The following TIGD2 variants were observed in gnomAD, a reference collection of about 807,000 sequenced individuals.
The protein encoded by TIGD2 is tigger transposable element derived 2, also known as tigger transposable element-derived protein 2.
In TIGD2, 14 loss-of-function variants were observed where a neutral mutation model predicts 27.0. That is an observed-to-expected ratio of 0.52 (90% confidence interval 0.34 to 0.81). The LOEUF is 0.81. Among genes scored for constraint, TIGD2 ranks in the 30% least tolerant of loss-of-function variants. TIGD2 has a pLI of 0.01. For missense variants in TIGD2, 590 were observed against 617.3 expected (o/e 0.96, Z 0.47); for synonymous variants, 201 against 209.0 (o/e 0.96, Z 0.33).
In TIGD2 at chr4:89,113,141, C is replaced by A; in HGVS notation, c.167C>A (p.Ala56Glu). ...AACAAAGAAAGGATTATAAACTATG[C>A]AAACAGTTCAGATCCTACCAGTGGA... ...KKNKERIINYANSSDPTSGVS... is the reference protein window; with the variant it reads ...KKNKERIINYENSSDPTSGVS... Residue 56 changes from alanine to glutamate, a missense_variant, in exon 2 of 2, where the codon GCA (alanine) becomes GAA (glutamate). Ala to Glu is a moderately radical substitution (Grantham distance 107, BLOSUM62 -1). Transcript: ENST00000603357. 1 of 1,614,014 alleles carries A rather than the reference C, an allele frequency of 6.2e-7. No individual in the cohort carries two copies. Among genetic ancestry groups the A allele is most frequent in the Non-Finnish European group, 8.5e-7 (1 of 1,179,992 alleles).
At position 89,114,461 on chromosome 4, in the gene TIGD2, A is replaced by G. The variant is rs754925275; in HGVS notation, c.1487A>G (p.Asp496Gly). 17 of 1,613,816 alleles carry G rather than the reference A, an allele frequency of 1.1e-5. No individual in the cohort carries two copies. The Admixed American group carries it at 1.7e-4, about 16-fold the overall frequency. ...ENLLDYLEQQ[D>G]DMLLSDKLVL... is the part of the protein sequence containing the mutation. The stretch of plus-strand genomic sequence containing the variant: ...TTACTGGATTATCTTGAACAACAAG[A>G]TGACATGCTTCTGTCTGATAAATTG... Residue 496 changes from aspartate to glycine, a missense_variant, in exon 2 of 2, where the codon GAT (aspartate) becomes GGT (glycine). Asp to Gly is a moderately conservative substitution (Grantham distance 94). Transcript: ENST00000603357.
chr4:89,112,888 C>G lies in TIGD2; in HGVS notation c.-87C>G, dbSNP rs775066531. On this transcript the variant is annotated 5_prime_UTR_variant, in exon 2 of 2. Transcript: ENST00000603357. ...CCTAGAAGTGAGAGGAGGAATCTTA[C>G]GAACTCATTTTCTAGTTGCTTTGTA... The G allele has an allele frequency of 3.3e-6, 4 of 1,212,948 alleles. No individual in the cohort carries two copies. Among genetic ancestry groups the G allele is most frequent in the Admixed American group, 2.4e-5 (1 of 41,834 alleles). The allele number at this position is 1,212,948 out of a possible 1,614,324, so 75.1% of individuals were successfully genotyped here.
chr4:89,114,360 C>A lies in TIGD2; in HGVS notation c.1386C>A (p.Ser462=). The change falls in exon 2 of 2, where the codon TCC becomes TCA. Residue 462 remains serine, a synonymous_variant. Transcript: ENST00000603357. The part of the protein sequence containing the change: ...DQTKAAEQKP[S]SKSRKTELNP... Reference sequence around the variant, plus strand: ...CCAAGGCTGCTGAGCAAAAGCCTTCCAGTAAGAGTAGAAAAACAGAACTGA... The same window carrying A: ...CCAAGGCTGCTGAGCAAAAGCCTTCAAGTAAGAGTAGAAAAACAGAACTGA... 6.2e-7 allele frequency: 1 copy of A among 1,613,930 alleles called. No individual in the cohort carries two copies.
In TIGD2 at chr4:89,114,106, T is replaced by G; in HGVS notation, c.1132T>G (p.Ser378Ala). 1 of 1,614,068 alleles carries G rather than the reference T, an allele frequency of 6.2e-7. No individual in the cohort carries two copies. The highest frequency in any genetic ancestry group is 8.5e-7 in the Non-Finnish European group (1 of 1,180,010). ...EVSRAWNMVK[S>A]STITKAWKKL... is the part of the protein sequence containing the mutation. ...GTCAAGAGCTTGGAACATGGTAAAA[T>G]CAAGTACCATAACCAAAGCATGGAA... The change falls in exon 2 of 2, where the codon TCA (serine) becomes GCA (alanine). Residue 378 changes from serine to alanine, a missense_variant. Ser to Ala is a moderately conservative substitution (Grantham distance 99). Coordinates refer to ENST00000603357, the MANE Select transcript of TIGD2 (RefSeq NM_145715.3).
Position 89,112,676 on chromosome 4 carries a change from T to TA in TIGD2, c.-298dup, listed in dbSNP as rs1721120048. On this transcript the variant is annotated 5_prime_UTR_variant, in exon 2 of 2. Coordinates refer to ENST00000603357, the MANE Select transcript of TIGD2 (RefSeq NM_145715.3). ...TGCAATAGTACTGTTTTAGAAGCCT[T>TA]ACCAGTACAGTTTCTAGCCTCTAGT... 3.5e-6 allele frequency: 1 copy of TA among 287,462 alleles called. No individual in the cohort carries two copies. The highest frequency in any genetic ancestry group is 4.8e-5 in the Admixed American group (1 of 20,960). 17.8% of individuals were successfully genotyped at this position (287,462 alleles called of 1,614,324 possible). A position where few individuals can be genotyped will look rare whatever the true frequency, so the allele number is the denominator to read the frequency against.
Position 89,113,084 on chromosome 4 carries a change from T to G in TIGD2, c.110T>G (p.Ile37Ser). 1 of 1,614,006 alleles carries G rather than the reference T, an allele frequency of 6.2e-7. No individual in the cohort carries two copies. The highest frequency in any genetic ancestry group is 8.5e-7 in the Non-Finnish European group (1 of 1,179,992). ...SFKKLSVVYG[I>S]GESTVRDIKK... ...AAAAAACTTTCCGTGGTGTACGGAATTGGTGAATCCACAGTTCGTGATATT... is the reference window on the plus strand; with the variant it reads ...AAAAAACTTTCCGTGGTGTACGGAAGTGGTGAATCCACAGTTCGTGATATT... Residue 37 changes from isoleucine (I) to serine (S), a missense_variant, in exon 2 of 2, where the codon ATT becomes AGT. Physicochemically the swap from Ile to Ser is moderately radical, Grantham distance 142. Transcript: ENST00000603357.
rs1422679636 is a variant in TIGD2 at position 89,111,794 on chromosome 4, G to C, written c.-998G>C. 1 of 152,186 alleles carries C rather than the reference G, an allele frequency of 6.6e-6. No individual in the cohort carries two copies. The highest frequency in any genetic ancestry group is 6.5e-5 in the Admixed American group (1 of 15,288). 9.4% of individuals were successfully genotyped at this position (152,186 alleles called of 1,614,324 possible). ...CAGGCGGAATCCGGGCTCCCTCCGC[G>C]GGAGGAAAGACGTCCCGCGCTCTGA... On this transcript the variant is annotated 5_prime_UTR_variant, in exon 1 of 2. Coordinates refer to ENST00000603357, the MANE Select transcript of TIGD2 (RefSeq NM_145715.3).
At position 89,112,846 on chromosome 4, in the gene TIGD2, T is replaced by C; in HGVS notation, c.-129T>C. ...CACGTAGACCTTGTCAGGAAATTGG[T>C]CACTATCCATCTAGGCCCTAGAAGT... On this transcript the variant is annotated 5_prime_UTR_variant, in exon 2 of 2. Coordinates refer to ENST00000603357, the MANE Select transcript of TIGD2 (RefSeq NM_145715.3). The C allele has an allele frequency of 1.3e-6, 1 of 746,622 alleles. No individual in the cohort carries two copies. Among genetic ancestry groups the C allele is most frequent in the Non-Finnish European group, 2.1e-6 (1 of 474,476 alleles). The allele number at this position is 746,622 out of a possible 1,614,324, so 46.2% of individuals were successfully genotyped here.
In TIGD2 at chr4:89,113,457, A is replaced by G. The variant is rs770499143; in HGVS notation, c.483A>G (p.Glu161=). Residue 161 remains glutamate, a synonymous_variant, in exon 2 of 2, where the codon GAA becomes GAG. Transcript: ENST00000603357. ...AAREFCGSFQ[E]FVEKENLQPE... is the part of the protein sequence containing the mutation. ...GAGAATTTTGTGGTAGCTTTCAGGA[A>G]TTTGTTGAAAAAGAGAATCTACAAC... 1 of 1,614,124 alleles carries G rather than the reference A, an allele frequency of 6.2e-7. No individual in the cohort carries two copies. Among genetic ancestry groups the G allele is most frequent in the Non-Finnish European group, 8.5e-7 (1 of 1,179,998 alleles).
chr4:89,113,620 A>C lies in TIGD2; in HGVS notation c.646A>C (p.Asn216His). The change falls in exon 2 of 2, where the codon AAT becomes CAT. Residue 216 changes from asparagine (N) to histidine (H), a missense_variant. Asn to His is a moderately conservative substitution (Grantham distance 68). Around this residue, in one of 3 missense-constraint regions of TIGD2, gnomAD observed 451 missense variants for 448.0 expected, o/e 1.01. Coordinates refer to ENST00000603357, the MANE Select transcript of TIGD2 (RefSeq NM_145715.3). ...RERIIIMCCA[N>H]ATGLHKLNLC... ...GAGAATCATCATTATGTGTTGCGCAAATGCCACAGGTTTACACAAACTTAA... is the reference window on the plus strand; with the variant it reads ...GAGAATCATCATTATGTGTTGCGCACATGCCACAGGTTTACACAAACTTAA... 6.2e-7 allele frequency: 1 copy of C among 1,614,178 alleles called. No homozygotes were observed. Among genetic ancestry groups the C allele is most frequent in the Non-Finnish European group, 8.5e-7 (1 of 1,180,040 alleles).
At chr4:89,111,988 T>C (rs1342139876) in intron 1 of TIGD2, 79 bp from the exon 2 acceptor site, 1 of 152,188 alleles carries the variant, frequency 6.6e-6, no homozygotes, top group Non-Finnish European at 1.5e-5. Context: ...TTTCTCAACA[T>C]AGTTGCAGGA....
Position 89,114,296 on chromosome 4 carries a change from G to A in TIGD2, c.1322G>A (p.Cys441Tyr), listed in dbSNP as rs771548167. Reference sequence around the variant, plus strand: ...GACTCTCGGAGCAGTGACTCAAGCTGTCAGGTGCTGACTGACAGTGAAAGT... The same window carrying A: ...GACTCTCGGAGCAGTGACTCAAGCTATCAGGTGCTGACTGACAGTGAAAGT... ...WFDSRSSDSS[C>Y]QVLTDSESAE... is the part of the protein sequence containing the mutation. The change falls in exon 2 of 2, where the codon TGT (cysteine) becomes TAT (tyrosine). Residue 441 changes from cysteine to tyrosine, a missense_variant. Transcript: ENST00000603357. 1 of 1,614,120 alleles carries A rather than the reference G, an allele frequency of 6.2e-7. No homozygotes were observed. The highest frequency in any genetic ancestry group is 1.1e-5 in the South Asian group (1 of 91,084).
At chr4:89,111,271 C>A (rs1447962581), upstream of TIGD2, 2 of 952,300 alleles carry the variant, frequency 2.1e-6, no homozygotes, top group East Asian at 1.2e-4. Context: ...AAAAGAGCCT[C>A]GTCGGCAGAG....
Position 89,113,639 on chromosome 4 carries a change from A to G in TIGD2, c.665A>G (p.Lys222Arg). The part of the protein sequence containing the change: ...MCCANATGLH[K>R]LNLCVVGKAK... Reference sequence around the variant, plus strand: ...TGCGCAAATGCCACAGGTTTACACAAACTTAATCTTTGTGTTGTGGGGAAG... The same window carrying G: ...TGCGCAAATGCCACAGGTTTACACAGACTTAATCTTTGTGTTGTGGGGAAG... The change falls in exon 2 of 2, where the codon AAA (lysine) becomes AGA (arginine). Residue 222 changes from lysine (K) to arginine (R), a missense_variant. By Grantham distance (26) the Lys-to-Arg change is conservative (BLOSUM62 2). This residue lies in a region of TIGD2 where 451 missense variants were observed against 448.0 expected (regional missense o/e 1.01). Transcript: ENST00000603357. 1 of 1,614,174 alleles carries G rather than the reference A, an allele frequency of 6.2e-7. No homozygotes were observed.
rs563256453 is a variant in TIGD2, at chr4:89,112,824, G to T, written c.-151G>T. 6.4e-6 allele frequency: 4 copies of T among 629,584 alleles called. No individual in the cohort carries two copies. Among genetic ancestry groups the T allele is most frequent in the Non-Finnish European group, 8.0e-6 (3 of 375,422 alleles). 39.0% of individuals were successfully genotyped at this position (629,584 alleles called of 1,614,324 possible). On this transcript the variant is annotated 5_prime_UTR_variant, in exon 2 of 2. Transcript: ENST00000603357. ...GTTTTAAAATAGCAAGTAGATTCAC[G>T]TAGACCTTGTCAGGAAATTGGTCAC...
In TIGD2 at chr4:89,112,978, T is replaced by C. The variant is rs1384728626; in HGVS notation, c.4T>C (p.Leu2=). 1 of 1,558,964 alleles carries C rather than the reference T, an allele frequency of 6.4e-7. No individual in the cohort carries two copies. The highest frequency in any genetic ancestry group is 1.2e-5 in the South Asian group (1 of 81,998). M[L]GKRKRVVLTI... is the part of the protein sequence containing the mutation. ...CCTAAAATATTAGACACTTAAAATG[T>C]TGGGGAAACGTAAGCGTGTGGTGTT... Residue 2 remains leucine, a synonymous_variant, in exon 2 of 2, where the codon TTG becomes CTG. Transcript: ENST00000603357.
upstream of TIGD2, chr4:89,111,200 G>A (rs1191297318): frequency 9.1e-6 from 9 of 985,392 alleles, no homozygotes; most frequent in Non-Finnish European, 1.1e-5. Flanking sequence ...CGGCACGCGA[G>A]GATCCTCCGC....
chr4:89,113,058 C>G lies in TIGD2; in HGVS notation c.84C>G (p.Phe28Leu). 1 of 1,612,496 alleles carries G rather than the reference C, an allele frequency of 6.2e-7. No individual in the cohort carries two copies. The highest frequency in any genetic ancestry group is 8.5e-7 in the Non-Finnish European group (1 of 1,179,606). Residue 28 changes from phenylalanine to leucine, a missense_variant, in exon 2 of 2, where the codon TTC becomes TTG. By Grantham distance (22) the Phe-to-Leu change is conservative. Around this residue, in one of 3 missense-constraint regions of TIGD2, gnomAD observed 92 missense variants for 89.6 expected, o/e 1.03. Coordinates refer to ENST00000603357, the MANE Select transcript of TIGD2 (RefSeq NM_145715.3). ...IIKKLEEGIS[F>L]KKLSVVYGIG... ...AGAAACTTGAGGAAGGCATCTCTTT[C>G]AAAAAACTTTCCGTGGTGTACGGAA...
Position 89,112,831 on chromosome 4 carries a change from T to C in TIGD2, c.-144T>C, listed in dbSNP as rs530428636. On this transcript the variant is annotated 5_prime_UTR_variant, in exon 2 of 2. Coordinates refer to ENST00000603357, the MANE Select transcript of TIGD2 (RefSeq NM_145715.3). ...AATAGCAAGTAGATTCACGTAGACC[T>C]TGTCAGGAAATTGGTCACTATCCAT... 28 of 657,766 alleles carry C rather than the reference T, an allele frequency of 4.3e-5. No homozygotes were observed. The Admixed American group carries it at 7.8e-4, about 18-fold the overall frequency. The allele number at this position is 657,766 out of a possible 1,614,324, so 40.7% of individuals were successfully genotyped here. A position where few individuals can be genotyped will look rare whatever the true frequency, so the allele number is the denominator to read the frequency against.
Sources: gnomAD v4.1 joint callset for allele counts on GRCh38, gnomAD v4.1.1 for gene constraint, gnomAD v4.1.1 regional missense constraint, MANE v1.5 for transcripts, NCBI Gene and HGNC (gene_info 2026-07-23, HGNC 2026-07-21) for gene names.